Variants in KDM4B observed in about 807,000 individuals in gnomAD.
KDM4B encodes the protein lysine demethylase 4B.
Under a neutral mutation model 125.2 loss-of-function variants are expected in KDM4B, and 32 were observed. The ratio of observed to expected loss-of-function variants is 0.26; its 90% CI spans 0.19 to 0.34. The LOEUF (loss-of-function observed/expected upper bound fraction) is 0.34, where lower values mean the gene tolerates loss of function less well. KDM4B is among the 10% of genes least tolerant of loss of function. The probability of loss-of-function intolerance (pLI) is 1.00; values close to 1 mark genes in which losing one functional copy is unlikely to be tolerated. For synonymous variants in KDM4B, 721 were observed against 677.9 expected, an observed-to-expected ratio of 1.06 and a Z score of -0.99; for missense variants, 1,190 against 1,577.7, an observed-to-expected ratio of 0.75 and a Z score of 4.16.
chr19:5,037,435 G>C (rs1336975080), intron 3 of KDM4B, among the ~76,000 whole-genome samples: 1 of 152,176 alleles, frequency 6.6e-6, no homozygotes, highest in African/African-American at 2.4e-5. Flanking sequence ...CTGCTCCCCT[G>C]AAATCTAAGA....
At chr19:4,995,683 C>A (rs773738614) in intron 1 of KDM4B, among the ~76,000 whole-genome samples, 1 of 152,244 alleles carries the variant, frequency 6.6e-6, no homozygotes, top group Non-Finnish European at 1.5e-5. Context: ...GAGGCACTCT[C>A]ATCCTCTACG....
intron 1 of KDM4B, among the ~76,000 whole-genome samples, chr19:4,992,353 G>T (rs538677988): frequency 2.0e-5 from 3 of 152,230 alleles, no homozygotes; most frequent in African/African-American, 7.2e-5. Flanking sequence ...TGTCTTAAGG[G>T]AGATGCTTAA....
intron 1 of KDM4B, among the ~76,000 whole-genome samples, chr19:4,970,454 G>C (rs141383674): frequency 0.012 from 1,864 of 152,120 alleles, 37 homozygotes; most frequent in African/African-American, 0.042. Context: ...GGTCCCACCG[G>C]GTGCCTGCAC....
intron 13 of KDM4B, 149 bp downstream of exon 13, chr19:5,132,156 G>A: frequency 9.7e-7 from 1 of 1,034,428 alleles, no homozygotes; most frequent in Non-Finnish European, 1.4e-6. Flanking sequence ...CTCTGCCGTA[G>A]CGACAGGCTG....
At chr19:5,011,145 G>A (rs1267777507) in intron 1 of KDM4B, among the ~76,000 whole-genome samples, 5 of 152,082 alleles carry the variant, frequency 3.3e-5, no homozygotes, top group Admixed American at 2.0e-4. Context: ...CCTGCAGGGC[G>A]ATCTGGGCTC....
At chr19:5,113,803 G>T in intron 10 of KDM4B, 1 of 787,196 alleles carries the variant, frequency 1.3e-6, no homozygotes, top group Non-Finnish European at 1.5e-6. Context: ...TGGCATCAGG[G>T]TGGGCGCCAT....
chr19:5,133,999 G>T lies in KDM4B; in HGVS notation c.2023G>T (p.Ala675Ser), dbSNP rs762681895. 3 of 1,611,642 alleles carry T rather than the reference G, an allele frequency of 1.9e-6. No individual in the cohort carries two copies. Among genetic ancestry groups the T allele is most frequent in the African/African-American group, 2.7e-5 (2 of 74,928 alleles). Residue 675 changes from alanine to serine, a missense_variant, in exon 14 of 23, where the codon GCA becomes TCA. Around this residue, in one of 7 missense-constraint regions of KDM4B, gnomAD observed 128 missense variants for 137.8 expected, o/e 0.93. Coordinates refer to ENST00000159111, the MANE Select transcript of KDM4B (RefSeq NM_015015.3). ...ASFQAERKFN[A>S]AAARTEPYCA... ...CTTCCAGGCCGAGAGGAAGTTCAAC[G>T]CAGCGGCTGCGCGCACGGAGCCCTA... is the stretch of plus-strand genomic sequence containing the variant.
chr19:5,114,393 G>A lies in KDM4B; in HGVS notation c.1115+3575G>A, dbSNP rs1484199294. 3.9e-6 allele frequency: 2 copies of A among 510,242 alleles called. No homozygotes were observed. The highest frequency in any genetic ancestry group is 4.7e-5 in the Admixed American group (2 of 42,176). 31.6% of individuals were successfully genotyped at this position (510,242 alleles called of 1,614,324 possible). On this transcript the variant is annotated intron_variant, in intron 10 of 22. Coordinates refer to ENST00000159111, the MANE Select transcript of KDM4B (RefSeq NM_015015.3). This position sits in a 1 kb window ranked among gnomAD's most constrained non-coding sequence, Gnocchi z 5.8. ...GCCTGTCGCCCCTGCGCCAGTGCAG[G>A]ACACCGCCACGCCTCTGGCCCCGAC...
chr19:5,006,481 T>C (rs1179213923), intron 1 of KDM4B, among the ~76,000 whole-genome samples: 3 of 152,098 alleles, frequency 2.0e-5, no homozygotes, highest in Non-Finnish European at 2.9e-5. Flanking sequence ...GGTTAAGATA[T>C]GGTGAGTTAG....
chr19:5,023,230 C>G (rs549434624), intron 2 of KDM4B, among the ~76,000 whole-genome samples: 1 of 152,262 alleles, frequency 6.6e-6, no homozygotes, highest in South Asian at 2.1e-4. Flanking sequence ...CGCGCTGGTG[C>G]TCTCTGGAGT....
chr19:5,061,097 T>A (rs2037581330), intron 6 of KDM4B, among the ~76,000 whole-genome samples: 2 of 152,178 alleles, frequency 1.3e-5, no homozygotes, highest in South Asian at 4.1e-4. Context: ...TGACGACACC[T>A]CGTGGCCCAG....
At chr19:5,067,515 G>A (rs2145806243) in intron 6 of KDM4B, among the ~76,000 whole-genome samples, 1 of 152,282 alleles carries the variant, frequency 6.6e-6, no homozygotes, top group East Asian at 1.9e-4. Context: ...CTGGCCTCCA[G>A]GGCTCTAGAG....
intron 6 of KDM4B, 132 bp from the exon 7 acceptor site, chr19:5,070,878 G>C: frequency 1.1e-6 from 1 of 893,706 alleles, no homozygotes; most frequent in Non-Finnish European, 1.8e-6. Context: ...CCTCCACACA[G>C]TCCTGACCAT....
intron 7 of KDM4B, chr19:5,076,027 GA>G (rs1339286207): frequency 5.6e-6 from 1 of 177,958 alleles, no homozygotes; most frequent in African/African-American, 2.4e-5. Context: ...GCTCCGAGAG[GA>G]GAGCGGCCAC....
chr19:5,151,058 G>T (rs150191958), intron 22 of KDM4B, among the ~76,000 whole-genome samples: 1 of 152,198 alleles, frequency 6.6e-6, no homozygotes, highest in Non-Finnish European at 1.5e-5. Context: ...GCCGCAGAGG[G>T]GTCCCTCGGA....
intron 11 of KDM4B, among the ~76,000 whole-genome samples, chr19:5,122,219 C>T (rs899104872): frequency 6.6e-6 from 1 of 152,216 alleles, no homozygotes; most frequent in African/African-American, 2.4e-5. Flanking sequence ...CATCTCTTGG[C>T]TCAGAGCCCC....
chr19:5,045,376 C>A (rs263046), intron 5 of KDM4B, among the ~76,000 whole-genome samples: 2 of 151,906 alleles, frequency 1.3e-5, no homozygotes, highest in Admixed American at 6.6e-5. Context: ...TGTCTTTTGC[C>A]CAGTTTGTTG....
intron 1 of KDM4B, among the ~76,000 whole-genome samples, chr19:5,003,506 C>T (rs200035006): frequency 8.1e-6 from 1 of 123,880 alleles, no homozygotes; most frequent in African/African-American, 3.0e-5. Flanking sequence ...AACAAACAAA[C>T]AAATAAATAA....
chr19:5,080,246 C>T (rs745504921), intron 8 of KDM4B, among the ~76,000 whole-genome samples: 16 of 152,216 alleles, frequency 1.1e-4, no homozygotes, highest in Non-Finnish European at 1.9e-4. Flanking sequence ...TGATGTCTGA[C>T]GCCGTGGCTG....
Sources: allele counts gnomAD v4.1 joint callset (sites outside exome capture counted in the v4.1 genomes callset), GRCh38; gene constraint gnomAD v4.1.1; regional missense constraint gnomAD v4.1.1; non-coding constraint Gnocchi (gnomAD v3.1); transcripts MANE v1.5; gene names NCBI Gene and HGNC (gene_info 2026-07-23, HGNC 2026-07-21).